Variants in OPCML observed in about 807,000 individuals in gnomAD.
OPCML encodes opioid-binding protein/cell adhesion molecule.
A neutral mutation model predicts 37.8 loss-of-function variants in OPCML; 13 were observed. That is an observed-to-expected ratio of 0.34 (90% CI 0.22 to 0.55). The LOEUF (loss-of-function observed/expected upper bound fraction) is 0.55. OPCML is among the 20% of genes least tolerant of loss of function. The pLI is 0.91. For synonymous variants in OPCML, 176 were observed against 168.8 expected (o/e 1.04, Z -0.33); for missense variants, 341 against 435.6 (o/e 0.78, Z 1.93).
chr11:132,884,135 T>C (rs892609399), intron 2 of OPCML, among the ~76,000 whole-genome samples: 1 of 152,160 alleles, frequency 6.6e-6, no homozygotes, highest in African/African-American at 2.4e-5. Context: ...AATTCACATA[T>C]TAGAAAATGA....
intron 1 of OPCML, among the ~76,000 whole-genome samples, chr11:133,327,329 T>C (rs1490356403): frequency 6.6e-6 from 1 of 151,940 alleles, no homozygotes; most frequent in Non-Finnish European, 1.5e-5. Flanking sequence ...TTTGTATATT[T>C]TGGCACCAGG....
intron 1 of OPCML, among the ~76,000 whole-genome samples, chr11:133,235,510 C>T (rs1183490206): frequency 6.6e-6 from 1 of 152,184 alleles, no homozygotes; most frequent in Admixed American, 6.5e-5. Context: ...ACATATTCAA[C>T]TCAAACAACA....
At chr11:132,600,371 G>T (rs1035704810) in intron 3 of OPCML, among the ~76,000 whole-genome samples, 4 of 152,154 alleles carry the variant, frequency 2.6e-5, no homozygotes, top group Non-Finnish European at 5.9e-5. Flanking sequence ...TAGTCTTCAC[G>T]TAGGCCTAAA....
chr11:133,004,764 C>A, intron 1 of OPCML: 1 of 985,240 alleles, frequency 1.0e-6, no homozygotes, highest in South Asian at 4.7e-5. Flanking sequence ...GACGCTGGCT[C>A]AGAAGCGAGA....
intron 1 of OPCML, among the ~76,000 whole-genome samples, chr11:133,240,423 T>C (rs1940685691): frequency 6.6e-6 from 1 of 152,152 alleles, no homozygotes; most frequent in South Asian, 2.1e-4. Flanking sequence ...AATCCTTATC[T>C]ATTGTTCACC....
At chr11:132,634,921 T>G (rs565501486) in intron 3 of OPCML, among the ~76,000 whole-genome samples, 14 of 152,042 alleles carry the variant, frequency 9.2e-5, no homozygotes, top group African/African-American at 3.4e-4. Flanking sequence ...CAGCCTTGCA[T>G]GCGAGATAAG....
intron 4 of OPCML, among the ~76,000 whole-genome samples, chr11:132,458,768 T>C (rs1282309318): frequency 6.6e-6 from 1 of 152,222 alleles, no homozygotes; most frequent in Non-Finnish European, 1.5e-5. Context: ...TGGTAAATAA[T>C]GCCAATGTCT....
chr11:133,131,374 A>G (rs1474622912), intron 1 of OPCML, among the ~76,000 whole-genome samples: 1 of 152,214 alleles, frequency 6.6e-6, no homozygotes, highest in African/African-American at 2.4e-5. Context: ...AAAACAGCAC[A>G]ACTTCTAGAG....
At chr11:132,609,882 TGACA>T (rs2137835587) in intron 3 of OPCML, among the ~76,000 whole-genome samples, 1 of 152,350 alleles carries the variant, frequency 6.6e-6, no homozygotes, top group South Asian at 2.1e-4. Context: ...TGGAAGGTGC[TGACA>T]TCTACTTTAG....
chr11:133,511,671 C>G (rs1948162113), intron 1 of OPCML, among the ~76,000 whole-genome samples: 1 of 152,098 alleles, frequency 6.6e-6, no homozygotes, highest in Admixed American at 6.5e-5. Context: ...ACTCTCTTCC[C>G]CATAATCCCA....
intron 1 of OPCML, among the ~76,000 whole-genome samples, chr11:133,044,084 T>C (rs1198850915): frequency 1.3e-5 from 2 of 152,126 alleles, no homozygotes; most frequent in Non-Finnish European, 2.9e-5. Context: ...ATGGAGAGGA[T>C]CAGGAAAGCC....
intron 1 of OPCML, among the ~76,000 whole-genome samples, chr11:133,478,648 A>T (rs2137021160): frequency 6.6e-6 from 1 of 152,344 alleles, no homozygotes; most frequent in South Asian, 2.1e-4. Context: ...GAAGTACAGG[A>T]TCTACTTCCT....
chr11:132,993,401 T>G (rs1946818691), intron 1 of OPCML, among the ~76,000 whole-genome samples: 1 of 152,170 alleles, frequency 6.6e-6, no homozygotes, highest in Non-Finnish European at 1.5e-5. Context: ...CTTTTCCATC[T>G]GGTTGATGTT....
intron 2 of OPCML, among the ~76,000 whole-genome samples, chr11:132,687,589 C>A (rs1943222795): frequency 6.7e-6 from 1 of 149,432 alleles, no homozygotes; most frequent in Non-Finnish European, 1.5e-5. Flanking sequence ...TTTTTTAATC[C>A]CTCAAATACT....
chr11:133,191,523 G>GTA (rs1015088981), intron 1 of OPCML, among the ~76,000 whole-genome samples: 2 of 151,598 alleles, frequency 1.3e-5, no homozygotes, highest in Admixed American at 1.3e-4. Context: ...GTGTGTGTGT[G>GTA]TGTGTGTGTG....
chr11:133,140,578 A>AGAAGAAG, intron 1 of OPCML, among the ~76,000 whole-genome samples: 1 of 84,932 alleles, frequency 1.2e-5, no homozygotes, highest in East Asian at 3.8e-4. Flanking sequence ...AAGAAGAAGA[A>AGAAGAAG]AGAAGAAAAA....
At chr11:132,470,781 G>T (rs2096135816) in intron 4 of OPCML, among the ~76,000 whole-genome samples, 1 of 152,168 alleles carries the variant, frequency 6.6e-6, no homozygotes, top group Admixed American at 6.5e-5. Flanking sequence ...AGATTGTCTG[G>T]TTCCCATGTT....
intron 4 of OPCML, among the ~76,000 whole-genome samples, chr11:132,495,832 T>G (rs531554464): frequency 6.6e-6 from 1 of 151,426 alleles, no homozygotes; most frequent in East Asian, 2.0e-4. Flanking sequence ...GAGGCAGAGC[T>G]TGCGCTGAGC....
At chr11:133,171,742 C>T (rs4937755) in intron 1 of OPCML, among the ~76,000 whole-genome samples, 61,106 of 152,052 alleles carry the variant, frequency 0.4, 12,995 homozygotes, top group South Asian at 0.54. Flanking sequence ...ATTTAAAGTG[C>T]TCTTTAACAC....
Sources: gnomAD v4.1 joint callset for allele counts (sites outside exome capture counted in the v4.1 genomes callset) on GRCh38, gnomAD v4.1.1 for gene constraint, MANE v1.5 for transcripts, NCBI Gene and HGNC (gene_info 2026-07-23, HGNC 2026-07-21) for gene names.